Variants in SIM1 observed in about 807,000 individuals in gnomAD.
SIM1 encodes the protein SIM bHLH transcription factor 1.
SIM1 carries 18 observed loss-of-function variants against 78.2 expected under a neutral mutation model. That is an observed-to-expected ratio of 0.23 (90% CI 0.16 to 0.34). The LOEUF (loss-of-function observed/expected upper bound fraction) is 0.34. SIM1 is among the 10% of genes least tolerant of loss of function. The pLI is 1.00. For missense variants in SIM1, 939 were observed against 975.1 expected (o/e 0.96, Z 0.49); for synonymous variants, 417 against 385.2 (o/e 1.08, Z -0.97).
chr6:100,401,458 A>G (rs1770913215), intron 10 of SIM1, among the ~76,000 whole-genome samples: 2 of 152,124 alleles, frequency 1.3e-5, no homozygotes, highest in Non-Finnish European at 1.5e-5. Flanking sequence ...TCTGATATTG[A>G]TAATTGTGCT....
chr6:100,459,813 C>A (rs1772789185), intron 2 of SIM1, among the ~76,000 whole-genome samples: 1 of 152,160 alleles, frequency 6.6e-6, no homozygotes, highest in African/African-American at 2.4e-5. Context: ...ATTATGAAAG[C>A]CTCCACACCC....
chr6:100,436,255 T>C (rs80180114), intron 9 of SIM1, among the ~76,000 whole-genome samples: 3,562 of 152,296 alleles, frequency 0.023, 48 homozygotes, highest in Non-Finnish European at 0.036. Flanking sequence ...CTTGGACATA[T>C]GCTTATTTCT....
chr6:100,430,141 G>A (rs1360492470), intron 9 of SIM1, among the ~76,000 whole-genome samples: 3 of 152,130 alleles, frequency 2.0e-5, no homozygotes, highest in Admixed American at 6.6e-5. Context: ...CTTATAAATG[G>A]TACATTTGTC....
rs2114457948 is a variant in SIM1, at chr6:100,390,639, T to C, written c.2023A>G (p.Lys675Glu). The C allele has an allele frequency of 6.2e-7, 1 of 1,614,198 alleles. No homozygotes were observed. The highest frequency in any genetic ancestry group is 8.5e-7 in the Non-Finnish European group (1 of 1,180,036). Residue 675 changes from lysine to glutamate, a missense_variant, in exon 12 of 12, where the codon AAA (lysine) becomes GAA (glutamate). Lys to Glu is a moderately conservative substitution (Grantham distance 56, BLOSUM62 1). This residue lies in a region of SIM1 where 556 missense variants were observed against 521.9 expected (regional missense o/e 1.07). Coordinates refer to ENST00000369208, the MANE Select transcript of SIM1 (RefSeq NM_005068.3). ...GATATATCCGAATGCAGATAGTCTT[T>C]AGCTAGGATCAAACTGGATTTTGAA... ...RISKSSLILA[K>E]DYLHSDISPH...
rs1056324303 is a variant in SIM1 at position 100,438,700 on chromosome 6, T to C, written c.998+8568A>G. Among the ~76,000 whole-genome samples, 6 of 152,204 alleles carry C rather than the reference T, an allele frequency of 3.9e-5. No homozygotes were observed. In the East Asian group the frequency reaches 9.6e-4, roughly 24 times the overall value. On this transcript the variant is annotated intron_variant, in intron 9 of 11. Transcript: ENST00000369208. ...AGCCCAATTTGCAATTGCAAAGATATGGACCAATCTAAGTGCCCATCAACC... is the reference window on the plus strand; with the variant it reads ...AGCCCAATTTGCAATTGCAAAGATACGGACCAATCTAAGTGCCCATCAACC...
intron 10 of SIM1, among the ~76,000 whole-genome samples, chr6:100,405,730 C>T (rs556766835): frequency 6.6e-6 from 1 of 152,156 alleles, no homozygotes; most frequent in South Asian, 2.1e-4. Flanking sequence ...TTAATCCACC[C>T]CACCCCCCAA....
intron 9 of SIM1, among the ~76,000 whole-genome samples, chr6:100,429,371 A>G (rs1400524529): frequency 7.4e-6 from 1 of 135,196 alleles, no homozygotes; most frequent in East Asian, 2.0e-4. Flanking sequence ...TCTGTCTCAA[A>G]AAAAAAAAAA....
In SIM1 at chr6:100,390,643, T is replaced by G; in HGVS notation, c.2019A>C (p.Leu673=). The G allele has an allele frequency of 6.2e-7, 1 of 1,614,218 alleles. No individual in the cohort carries two copies. Among genetic ancestry groups the G allele is most frequent in the South Asian group, 1.1e-5 (1 of 91,080 alleles). ...TATCCGAATGCAGATAGTCTTTAGC[T>G]AGGATCAAACTGGATTTTGAAATGC... ...SDRISKSSLI[L]AKDYLHSDIS... Residue 673 remains leucine, a synonymous_variant, in exon 12 of 12, where the codon CTA becomes CTC. Transcript: ENST00000369208.
At chr6:100,447,862 A>G (rs1303663478) in intron 8 of SIM1, among the ~76,000 whole-genome samples, 1 of 152,264 alleles carries the variant, frequency 6.6e-6, no homozygotes, top group East Asian at 1.9e-4. Flanking sequence ...TGGTTCACAG[A>G]TGTGAAAAAA....
In SIM1 at chr6:100,449,813, A is replaced by G. The variant is rs566594174; in HGVS notation, c.349-114T>C. On this transcript the variant is annotated intron_variant, in intron 4 of 11. Transcript: ENST00000369208. ...TGAGGACAGCAGCCAGAATTCTGGA[A>G]TTGGCCCTGAGTTCCAATGCCAGCT... 5.2e-5 allele frequency: 43 copies of G among 824,564 alleles called. 1 individual carries two copies. The South Asian group carries it at 6.4e-4, about 12-fold the overall frequency. 51.1% of individuals were successfully genotyped at this position (824,564 alleles called of 1,614,324 possible). A position where few individuals can be genotyped will look rare whatever the true frequency, so the allele number is the denominator to read the frequency against.
In SIM1 at chr6:100,462,349, A is replaced by T. The variant is rs1362459358; in HGVS notation, c.175+945T>A. On this transcript the variant is annotated intron_variant, in intron 2 of 11. Transcript: ENST00000369208. ...GCAAAGACATATCTAAAATATTTTT[A>T]AAAATCTGTTTGCATTATTTGAATC... 6.6e-5 allele frequency among the ~76,000 whole-genome samples: 10 copies of T among 152,232 alleles called. No individual in the cohort carries two copies. The East Asian group carries it at 1.7e-3, about 26-fold the overall frequency.
At chr6:100,393,095 G>T (rs1452208286) in intron 11 of SIM1, among the ~76,000 whole-genome samples, 2 of 152,118 alleles carry the variant, frequency 1.3e-5, no homozygotes, top group Non-Finnish European at 2.9e-5. Flanking sequence ...TATCAATAGT[G>T]CCCTCATTGA....
intron 10 of SIM1, among the ~76,000 whole-genome samples, chr6:100,411,934 C>T (rs745492883): frequency 2.0e-5 from 3 of 152,052 alleles, no homozygotes; most frequent in Admixed American, 6.6e-5. Context: ...AGGCATTCAC[C>T]GAACAGTGAG....
At chr6:100,424,601 G>A (rs902613866) in intron 9 of SIM1, among the ~76,000 whole-genome samples, 2 of 151,414 alleles carry the variant, frequency 1.3e-5, no homozygotes, top group Non-Finnish European at 2.9e-5. Flanking sequence ...ATGCTCAACT[G>A]ATTTTTTTTT....
At chr6:100,457,300 C>T (rs1162395043) in intron 2 of SIM1, among the ~76,000 whole-genome samples, 1 of 152,234 alleles carries the variant, frequency 6.6e-6, no homozygotes, top group African/African-American at 2.4e-5. Flanking sequence ...ACCTTCACCT[C>T]CCCAACTAAT....
intron 10 of SIM1, among the ~76,000 whole-genome samples, chr6:100,413,225 C>T (rs1049095565): frequency 3.9e-5 from 6 of 152,294 alleles, no homozygotes; most frequent in South Asian, 4.1e-4. Context: ...GGACTTAACA[C>T]GTCTCATCAC....
intron 10 of SIM1, among the ~76,000 whole-genome samples, chr6:100,398,920 C>A (rs559860590): frequency 7.3e-4 from 108 of 147,568 alleles, no homozygotes; most frequent in Non-Finnish European, 1.2e-3. Context: ...TACATCCTCA[C>A]CAACACTTGT....
chr6:100,450,692 TCTCTCACACACACACA>T (rs1173076021), intron 3 of SIM1, among the ~76,000 whole-genome samples: 2 of 88,170 alleles, frequency 2.3e-5, no homozygotes, highest in Admixed American at 2.2e-4. Context: ...TCTCTCTCTC[TCTCTCACACACACACA>T]CACACACACA....
rs530459295 is a variant in SIM1, at chr6:100,447,351, T to A, written c.915A>T (p.Val305=). ...YRFLAKHGGW[V]WVQSYATIVH... is the part of the protein sequence containing the mutation. ...CGATGGTCGCGTAGCTCTGCACCCA[T>A]ACCCAGCCGCCGTGTTTCGCCAGGA... Residue 305 remains valine, a synonymous_variant, in exon 9 of 12, where the codon GTA becomes GTT. Transcript: ENST00000369208. The A allele has an allele frequency of 6.2e-7, 1 of 1,614,208 alleles. No individual in the cohort carries two copies. Among genetic ancestry groups the A allele is most frequent in the Admixed American group, 1.7e-5 (1 of 60,026 alleles).
Sources: gnomAD v4.1 joint callset for allele counts (sites outside exome capture counted in the v4.1 genomes callset) on GRCh38, gnomAD v4.1.1 for gene constraint, gnomAD v4.1.1 regional missense constraint, MANE v1.5 for transcripts, NCBI Gene and HGNC (gene_info 2026-07-23, HGNC 2026-07-21) for gene names.